Variants in IKBKB-DT observed in about 807,000 individuals in gnomAD.
IKBKB-DT encodes IKBKB antisense RNA.
At chr8:42,249,419 G>A (rs532634203) in intron 3 of IKBKB-DT, 4,212 of 132,448 alleles carry the variant, frequency 0.032, 177 homozygotes, top group African/African-American at 0.12. Flanking sequence ...GTATATATAT[G>A]TGTGTGTGTG....
intron 3 of IKBKB-DT, among the ~76,000 whole-genome samples, chr8:42,236,722 A>C (rs982842273): frequency 6.6e-6 from 1 of 152,166 alleles, no homozygotes; most frequent in Admixed American, 6.5e-5. Context: ...GTGCCATTGC[A>C]CTCCAGCCTG....
intron 3 of IKBKB-DT, among the ~76,000 whole-genome samples, chr8:42,251,053 TGGCCAAC>T (rs1807123333): frequency 1.7e-5 from 2 of 116,868 alleles, no homozygotes; most frequent in African/African-American, 1.2e-4. Context: ...GAGACCAGCC[TGGCCAAC>T]GAGACCAGCC....
chr8:42,240,500 C>T (rs899493818), intron 3 of IKBKB-DT, among the ~76,000 whole-genome samples: 9 of 151,520 alleles, frequency 5.9e-5, no homozygotes, highest in African/African-American at 2.2e-4. Context: ...TGGTGGACGC[C>T]TGTAGTCCCA....
At chr8:42,260,525 C>G (rs1483210857) in intron 3 of IKBKB-DT, among the ~76,000 whole-genome samples, 1 of 151,914 alleles carries the variant, frequency 6.6e-6, no homozygotes, top group Non-Finnish European at 1.5e-5. Context: ...CAAAAATTAG[C>G]CTAGCTTGGT....
chr8:42,256,404 A>G (rs1049682007), intron 3 of IKBKB-DT, among the ~76,000 whole-genome samples: 1 of 147,270 alleles, frequency 6.8e-6, no homozygotes, highest in Non-Finnish European at 1.5e-5. Context: ...TCTACCAAAA[A>G]TACAAAAAAA....
At chr8:42,264,053 C>T (rs998050868) in intron 2 of IKBKB-DT, among the ~76,000 whole-genome samples, 1 of 151,778 alleles carries the variant, frequency 6.6e-6, no homozygotes, top group African/African-American at 2.4e-5. Context: ...CTCAGGTGAT[C>T]CACCTGCCTT....
chr8:42,236,438 G>A (rs375688876), intron 3 of IKBKB-DT, among the ~76,000 whole-genome samples: 4 of 152,264 alleles, frequency 2.6e-5, no homozygotes, highest in South Asian at 2.1e-4. Flanking sequence ...GAAAGTTGTC[G>A]AAACTGTCAA....
intron 3 of IKBKB-DT, among the ~76,000 whole-genome samples, chr8:42,258,820 G>A (rs536589027): frequency 6.6e-6 from 1 of 152,052 alleles, no homozygotes; most frequent in African/African-American, 2.4e-5. Flanking sequence ...TTGCATACAA[G>A]TTTTGTTCTT....
intron 1 of IKBKB-DT, among the ~76,000 whole-genome samples, chr8:42,269,773 C>T (rs550604046): frequency 1.3e-5 from 2 of 152,066 alleles, no homozygotes; most frequent in Non-Finnish European, 2.9e-5. Context: ...TAACTTCAAC[C>T]CCAGGGCTGT....
chr8:42,259,103 G>A (rs1321171265), intron 3 of IKBKB-DT, among the ~76,000 whole-genome samples: 3 of 151,548 alleles, frequency 2.0e-5, no homozygotes, highest in Non-Finnish European at 4.4e-5. Context: ...TCGGTTCACC[G>A]CAACCTCTGC....
At chr8:42,260,931 C>T (rs1190468663) in intron 3 of IKBKB-DT, among the ~76,000 whole-genome samples, 1 of 152,124 alleles carries the variant, frequency 6.6e-6, no homozygotes, top group Non-Finnish European at 1.5e-5. Context: ...CAGCCCTTTC[C>T]ATAGACTATG....
At chr8:42,251,491 CT>C (rs1246777279) in intron 3 of IKBKB-DT, among the ~76,000 whole-genome samples, 1 of 152,158 alleles carries the variant, frequency 6.6e-6, no homozygotes, top group African/African-American at 2.4e-5. Flanking sequence ...TGGAACGTGC[CT>C]GTGAGCATGT....
At chr8:42,261,295 T>C (rs890233385) in intron 3 of IKBKB-DT, among the ~76,000 whole-genome samples, 2 of 152,128 alleles carry the variant, frequency 1.3e-5, no homozygotes, top group African/African-American at 4.8e-5. Flanking sequence ...GCAACTGCAC[T>C]CCAGCCTGGG....
chr8:42,252,736 C>A, intron 3 of IKBKB-DT, among the ~76,000 whole-genome samples: 1 of 152,212 alleles, frequency 6.6e-6, no homozygotes, highest in East Asian at 1.9e-4. Flanking sequence ...AGTGCTGAAT[C>A]TCTTCCTCAT....
At chr8:42,262,854 T>C (rs1443104545) in intron 3 of IKBKB-DT, among the ~76,000 whole-genome samples, 2 of 152,114 alleles carry the variant, frequency 1.3e-5, no homozygotes, top group Non-Finnish European at 2.9e-5. Flanking sequence ...TCCTCCTGCC[T>C]CAGCCTCCTG....
intron 3 of IKBKB-DT, among the ~76,000 whole-genome samples, chr8:42,256,338 G>GA (rs928437873): frequency 4.0e-5 from 6 of 151,380 alleles, no homozygotes; most frequent in African/African-American, 1.5e-4. Flanking sequence ...GAGGCAGGTG[G>GA]ATAGCCTGAG....
intron 3 of IKBKB-DT, among the ~76,000 whole-genome samples, chr8:42,245,867 C>G (rs578102915): frequency 6.6e-6 from 1 of 152,272 alleles, no homozygotes; most frequent in South Asian, 2.1e-4. Context: ...AGGATGTTTA[C>G]TGCAGATACA....
intron 3 of IKBKB-DT, among the ~76,000 whole-genome samples, chr8:42,258,885 A>G (rs185135486): frequency 6.0e-4 from 91 of 152,306 alleles, no homozygotes; most frequent in Non-Finnish European, 1.0e-3. Context: ...TTAAGCAATC[A>G]TTAAGAAATT....
chr8:42,255,888 T>A (rs1240282834), intron 3 of IKBKB-DT, among the ~76,000 whole-genome samples: 1 of 151,010 alleles, frequency 6.6e-6, no homozygotes, highest in East Asian at 2.0e-4. Context: ...TAGTCAGGAG[T>A]GGTGGCGGGC....
Sources: allele counts gnomAD v4.1 joint callset (sites outside exome capture counted in the v4.1 genomes callset), GRCh38; gene constraint gnomAD v4.1.1; transcripts MANE v1.5; gene names NCBI Gene and HGNC (gene_info 2026-07-23, HGNC 2026-07-21).